Variants in PCGF5 observed in about 807,000 individuals in gnomAD.
PCGF5 encodes polycomb group RING finger protein 5.
Under a neutral mutation model 44.3 loss-of-function variants are expected in PCGF5, and 9 were observed. That is an observed-to-expected ratio of 0.20 (90% CI 0.12 to 0.35). PCGF5 has a LOEUF of 0.35. Ranked by LOEUF, PCGF5 falls within the 10% of genes least tolerant of loss-of-function variation. The probability of loss-of-function intolerance (pLI) is 1.00; values close to 1 mark genes in which losing one functional copy is unlikely to be tolerated. For missense variants in PCGF5, 146 were observed against 305.3 expected, an observed-to-expected ratio of 0.48 and a Z score of 3.89; for synonymous variants, 95 against 102.5, an observed-to-expected ratio of 0.93 and a Z score of 0.44.
At chr10:91,216,818 A>G (rs987924706), upstream of PCGF5, among the ~76,000 whole-genome samples, 5 of 152,206 alleles carry the variant, frequency 3.3e-5, no homozygotes, top group African/African-American at 1.2e-4. Flanking sequence ...TTCATACATC[A>G]TTGATTTTAG....
At chr10:91,196,317 T>A (rs1844133346) in intron 1 of PCGF5, among the ~76,000 whole-genome samples, 1 of 152,194 alleles carries the variant, frequency 6.6e-6, no homozygotes, top group Non-Finnish European at 1.5e-5. Flanking sequence ...TAAACCATAA[T>A]CAGACCCTAA....
chr10:91,262,416 A>G (rs1378628440), intron 7 of PCGF5, among the ~76,000 whole-genome samples: 4 of 152,168 alleles, frequency 2.6e-5, no homozygotes, highest in African/African-American at 9.7e-5. Flanking sequence ...CGACAGAGTG[A>G]GACTCCATCT....
chr10:91,271,732 A>G (rs760746475), intron 9 of PCGF5, 35 bp downstream of exon 9: 7 of 1,555,196 alleles, frequency 4.5e-6, no homozygotes, highest in South Asian at 2.2e-5. Flanking sequence ...TATGACCATC[A>G]TGACACCATG....
chr10:91,196,325 T>C (rs1445215917), intron 1 of PCGF5, among the ~76,000 whole-genome samples: 1 of 152,228 alleles, frequency 6.6e-6, no homozygotes, highest in African/African-American at 2.4e-5. Flanking sequence ...AATCAGACCC[T>C]AATTTCAGTT....
intron 6 of PCGF5, among the ~76,000 whole-genome samples, chr10:91,254,519 C>G (rs1340862669): frequency 6.6e-6 from 1 of 151,932 alleles, no homozygotes; most frequent in Non-Finnish European, 1.5e-5. Context: ...GGCACTGATA[C>G]TATCTTTTTT....
chr10:91,194,739 A>G (rs1160325920), intron 1 of PCGF5, among the ~76,000 whole-genome samples: 1 of 152,208 alleles, frequency 6.6e-6, no homozygotes, highest in East Asian at 1.9e-4. Flanking sequence ...CACCAAGAGC[A>G]TAAGTAGAGA....
intron 1 of PCGF5, among the ~76,000 whole-genome samples, chr10:91,214,667 C>CT (rs1844510153): frequency 6.6e-6 from 1 of 152,158 alleles, no homozygotes; most frequent in Non-Finnish European, 1.5e-5. Flanking sequence ...GACAAGCACA[C>CT]TGGTAGAGGA....
chr10:91,280,921 T>A lies in PCGF5; in HGVS notation c.*2605T>A, dbSNP rs951430406. 6.6e-6 allele frequency: 1 copy of A among 152,474 alleles called. No individual in the cohort carries two copies. Among genetic ancestry groups the A allele is most frequent in the African/African-American group, 2.4e-5 (1 of 41,454 alleles). 9.4% of individuals were successfully genotyped at this position (152,474 alleles called of 1,614,324 possible). The stretch of plus-strand genomic sequence containing the variant: ...AATCTGTAACATCAGAGACTAAAAC[T>A]AAAAGTTTTCTTTAATCTGTTGTTT... On this transcript the variant is annotated 3_prime_UTR_variant, in exon 10 of 10. Transcript: ENST00000336126.
At chr10:91,177,852 C>T in intron 1 of PCGF5, among the ~76,000 whole-genome samples, 1 of 152,240 alleles carries the variant, frequency 6.6e-6, no homozygotes, top group East Asian at 1.9e-4. Context: ...CCTTGTGCTT[C>T]CTGGGTGAGG....
chr10:91,183,726 G>T (rs182494340), intron 1 of PCGF5, among the ~76,000 whole-genome samples: 1 of 152,294 alleles, frequency 6.6e-6, no homozygotes, highest in Non-Finnish European at 1.5e-5. Flanking sequence ...GCCATATGTA[G>T]TGTGTCCTTC....
chr10:91,215,098 A>G (rs1844518588), intron 1 of PCGF5, among the ~76,000 whole-genome samples: 1 of 152,172 alleles, frequency 6.6e-6, no homozygotes, highest in African/African-American at 2.4e-5. Context: ...AATAAGCATC[A>G]CCCTCCTAAC....
chr10:91,275,674 T>G (rs1846295335), intron 9 of PCGF5, among the ~76,000 whole-genome samples: 1 of 151,462 alleles, frequency 6.6e-6, no homozygotes, highest in Admixed American at 6.6e-5. Flanking sequence ...AGGATGTTCT[T>G]GATCTCTTGA....
upstream of PCGF5, among the ~76,000 whole-genome samples, chr10:91,216,613 A>G (rs1427255193): frequency 2.6e-5 from 4 of 152,226 alleles, no homozygotes; most frequent in East Asian, 7.7e-4. Context: ...TAGGAAGACT[A>G]CTTAAGAGTT....
At chr10:91,199,940 A>C (rs1002084206) in intron 1 of PCGF5, among the ~76,000 whole-genome samples, 1 of 152,220 alleles carries the variant, frequency 6.6e-6, no homozygotes, top group Non-Finnish European at 1.5e-5. Flanking sequence ...AAAGCAATAA[A>C]GGGTATAGTT....
At chr10:91,166,359 A>G (rs1229131764) in intron 1 of PCGF5, among the ~76,000 whole-genome samples, 3 of 152,374 alleles carry the variant, frequency 2.0e-5, no homozygotes, top group Admixed American at 2.0e-4. Flanking sequence ...GCTTATTGAA[A>G]GCAGTTGGAT....
At chr10:91,243,323 A>G (rs1468254229) in intron 3 of PCGF5, among the ~76,000 whole-genome samples, 1 of 152,246 alleles carries the variant, frequency 6.6e-6, no homozygotes. Context: ...TTAACAAATC[A>G]TGAATTATCC....
chr10:91,250,777 A>T (rs1261022471), intron 5 of PCGF5, among the ~76,000 whole-genome samples: 1 of 151,910 alleles, frequency 6.6e-6, no homozygotes, highest in Non-Finnish European at 1.5e-5. Flanking sequence ...AGCTATATAC[A>T]TGTTAAAAAG....
chr10:91,214,784 A>G (rs751072995), intron 1 of PCGF5, among the ~76,000 whole-genome samples: 38 of 152,232 alleles, frequency 2.5e-4, no homozygotes, highest in Non-Finnish European at 5.0e-4. Flanking sequence ...TGAGGAAGAC[A>G]AGGAAGGAAA....
chr10:91,202,962 A>G (rs1844280059), intron 1 of PCGF5, among the ~76,000 whole-genome samples: 1 of 152,252 alleles, frequency 6.6e-6, no homozygotes, highest in African/African-American at 2.4e-5. Flanking sequence ...ACTAAAAACA[A>G]TACAGGGTAA....
Sources: allele counts gnomAD v4.1 joint callset (sites outside exome capture counted in the v4.1 genomes callset), GRCh38; gene constraint gnomAD v4.1.1; transcripts MANE v1.5; gene names NCBI Gene and HGNC (gene_info 2026-07-23, HGNC 2026-07-21).